PTPDC1: variants seen among roughly 807,000 people sequenced by gnomAD.
PTPDC1 encodes the protein protein tyrosine phosphatase domain containing 1.
In PTPDC1, 53 loss-of-function variants were observed where a neutral mutation model predicts 75.3. The ratio of observed to expected loss-of-function variants is 0.70; its 90% CI spans 0.56 to 0.88. PTPDC1 has a LOEUF of 0.88. Ranked by LOEUF, PTPDC1 falls within the 40% of genes least tolerant of loss-of-function variation. The pLI is 0.00. For synonymous variants in PTPDC1, 349 were observed against 366.2 expected, an observed-to-expected ratio of 0.95 and a Z score of 0.54; for missense variants, 925 against 998.6, an observed-to-expected ratio of 0.93 and a Z score of 0.99.
At chr9:94,032,619 T>A (rs187147814) in intron 1 of PTPDC1, among the ~76,000 whole-genome samples, 2 of 152,352 alleles carry the variant, frequency 1.3e-5, no homozygotes, top group African/African-American at 4.8e-5. Flanking sequence ...TGAGCTTCCT[T>A]CTGTGATATT....
At chr9:94,089,366 A>C (rs1285933150) in intron 4 of PTPDC1, among the ~76,000 whole-genome samples, 3 of 149,336 alleles carry the variant, frequency 2.0e-5, no homozygotes, top group Non-Finnish European at 4.4e-5. Flanking sequence ...ACTGAGAATG[A>C]TGATTTCCAA....
chr9:94,101,282 T>G, intron 6 of PTPDC1: 1 of 276,950 alleles, frequency 3.6e-6, no homozygotes, highest in Non-Finnish European at 6.7e-6. Flanking sequence ...CCTTTCCCTG[T>G]GCTATAAGCT....
chr9:94,049,860 G>A (rs1429628783), intron 1 of PTPDC1, among the ~76,000 whole-genome samples: 1 of 152,216 alleles, frequency 6.6e-6, no homozygotes, highest in Non-Finnish European at 1.5e-5. Flanking sequence ...CTAATCCGAT[G>A]TAGATTTGGT....
At position 94,097,627 on chromosome 9, in the gene PTPDC1, C is replaced by T. The variant is rs144712096; in HGVS notation, c.1061C>T (p.Ala354Val). 1.5e-5 allele frequency: 24 copies of T among 1,613,918 alleles called. No homozygotes were observed. Among genetic ancestry groups the T allele is most frequent in the Admixed American group, 6.7e-5 (4 of 60,022 alleles). ...GTTTGCAAATTGCTGCTGGACTTAG[C>T]GGAGAACAGGCCAGTGATGATGAAG... Reference protein sequence around the residue: ...HLVCKLLLDLAENRPVMMKDV... With the variant: ...HLVCKLLLDLVENRPVMMKDV... The change falls in exon 6 of 9, where the codon GCG (alanine) becomes GTG (valine). Residue 354 changes from alanine (A) to valine (V), a missense_variant. By Grantham distance (64) the Ala-to-Val change is moderately conservative. Transcript: ENST00000620992.
chr9:94,067,250 C>T (rs1354486866), intron 2 of PTPDC1, among the ~76,000 whole-genome samples: 2 of 151,920 alleles, frequency 1.3e-5, no homozygotes, highest in African/African-American at 2.4e-5. Flanking sequence ...ATTAGCCGAG[C>T]ATGGTGGCGT....
chr9:94,084,842 G>A, intron 1 of PTPDC1, 68 bp downstream of exon 1: 1 of 1,149,330 alleles, frequency 8.7e-7, no homozygotes, highest in South Asian at 1.6e-5. Context: ...CAGCTGTGTT[G>A]TGTTTATACC....
intron 1 of PTPDC1, among the ~76,000 whole-genome samples, chr9:94,047,917 C>T (rs889556139): frequency 1.3e-5 from 2 of 152,120 alleles, no homozygotes; most frequent in Non-Finnish European, 2.9e-5. Context: ...GAAATTGAGG[C>T]AATAATCAAT....
At chr9:94,038,346 T>C (rs1825334763) in intron 1 of PTPDC1, 1 of 577,442 alleles carries the variant, frequency 1.7e-6, no homozygotes. Context: ...TAGTGAGTAA[T>C]TATTGACCAC....
At chr9:94,084,868 A>G in intron 1 of PTPDC1, 94 bp downstream of exon 1, 1 of 880,218 alleles carries the variant, frequency 1.1e-6, no homozygotes, top group Non-Finnish European at 1.7e-6. Flanking sequence ...AAATATTGGC[A>G]GTTTATTCTA....
chr9:94,064,059 C>A (rs536372470), intron 1 of PTPDC1, among the ~76,000 whole-genome samples: 1 of 152,196 alleles, frequency 6.6e-6, no homozygotes, highest in Admixed American at 6.5e-5. Context: ...TTATAAAATT[C>A]CACAACTGAG....
intron 4 of PTPDC1, among the ~76,000 whole-genome samples, chr9:94,091,057 A>T (rs907796380): frequency 6.6e-6 from 1 of 151,886 alleles, no homozygotes; most frequent in Admixed American, 6.6e-5. Context: ...TCTTTTCCCA[A>T]TTGAATACCC....
intron 2 of PTPDC1, among the ~76,000 whole-genome samples, chr9:94,066,966 A>G (rs551205695): frequency 6.6e-6 from 1 of 152,302 alleles, no homozygotes; most frequent in African/African-American, 2.4e-5. Context: ...CATCCCCCAT[A>G]TATGCATCAT....
chr9:94,102,125 CTT>C (rs71930480), intron 7 of PTPDC1, among the ~76,000 whole-genome samples: 15,098 of 152,140 alleles, frequency 0.099, 981 homozygotes, highest in Non-Finnish European at 0.14. Context: ...AATATTGACT[CTT>C]AACGGATATG....
In PTPDC1 at chr9:94,054,769, TAAAACAC is replaced by T. The variant is rs1281924528; in HGVS notation, c.-6-9961_-6-9955del. Among the ~76,000 whole-genome samples the T allele has an allele frequency of 7.2e-5, 11 of 152,202 alleles. No individual in the cohort carries two copies. The East Asian group carries it at 1.7e-3, about 24-fold the overall frequency. On this transcript the variant is annotated intron_variant, in intron 1 of 9. Transcript: ENST00000375360. ...CATGCCACATAATTAAGCTAAAACT[TAAAACAC>T]AAACCAACAGGAAATCCCCAAATGG...
intron 1 of PTPDC1, among the ~76,000 whole-genome samples, chr9:94,085,036 C>T (rs1827021421): frequency 6.6e-6 from 1 of 152,064 alleles, no homozygotes; most frequent in South Asian, 2.1e-4. Context: ...TCCTAATTGC[C>T]AGTATGTGTG....
chr9:94,081,610 C>A (rs1318514462), upstream of PTPDC1, among the ~76,000 whole-genome samples: 2 of 152,250 alleles, frequency 1.3e-5, no homozygotes, highest in Admixed American at 6.5e-5. Flanking sequence ...CTAAAAAGTC[C>A]ACCTCAAAAC....
intron 4 of PTPDC1, among the ~76,000 whole-genome samples, chr9:94,093,517 A>AT (rs1305391214): frequency 2.0e-5 from 3 of 148,822 alleles, no homozygotes; most frequent in African/African-American, 7.5e-5. Context: ...TGCCCTTAAC[A>AT]TTTTTTCCTT....
Position 94,044,847 on chromosome 9 carries a change from T to A in PTPDC1, c.-7+13720T>A, listed in dbSNP as rs552826790. 1.5e-4 allele frequency among the ~76,000 whole-genome samples: 23 copies of A among 151,894 alleles called. 1 individual carries two copies. Among genetic ancestry groups the A allele is most frequent in the Admixed American group, 8.5e-4 (13 of 15,244 alleles). ...GGGGGAAACATCAAGTCTCTCACTATTTTTTTTCATTATACTTTAAGTTTT... is the reference window on the plus strand; with the variant it reads ...GGGGGAAACATCAAGTCTCTCACTAATTTTTTTCATTATACTTTAAGTTTT... On this transcript the variant is annotated intron_variant, in intron 1 of 9. Transcript: ENST00000375360.
chr9:94,106,021 G>T (rs1432503803), intron 8 of PTPDC1, among the ~76,000 whole-genome samples: 1 of 151,940 alleles, frequency 6.6e-6, no homozygotes, highest in African/African-American at 2.4e-5. Context: ...TTAATAAGGA[G>T]TTTTTTGCAA....
Sources: gnomAD v4.1 joint callset for allele counts (sites outside exome capture counted in the v4.1 genomes callset) on GRCh38, gnomAD v4.1.1 for gene constraint, MANE v1.5 for transcripts, NCBI Gene and HGNC (gene_info 2026-07-23, HGNC 2026-07-21) for gene names.